The following LRP1B variants were observed in gnomAD, a reference collection of about 807,000 sequenced individuals.
LRP1B encodes the protein LDL receptor related protein 1B.
In LRP1B, 217 loss-of-function variants were observed where a neutral mutation model predicts 556.6. The observed-to-expected ratio is 0.39, with a 90% CI of 0.35 to 0.44. The LOEUF (loss-of-function observed/expected upper bound fraction) is 0.44. Among genes scored for constraint, LRP1B ranks in the 20% least tolerant of loss-of-function variants. The pLI is 1.00. For missense variants in LRP1B, 5,053 were observed against 5,620.8 expected, an observed-to-expected ratio of 0.90 and a Z score of 3.23; for synonymous variants, 2,047 against 1,865.8, an observed-to-expected ratio of 1.10 and a Z score of -2.50.
At chr2:141,006,575 G>C (rs1178978617) in intron 14 of LRP1B, among the ~76,000 whole-genome samples, 2 of 151,930 alleles carry the variant, frequency 1.3e-5, no homozygotes, top group Admixed American at 1.3e-4. Context: ...ACATCATAAA[G>C]CATCCTTACA....
At chr2:141,987,755 C>G (rs1213139788) in intron 1 of LRP1B, among the ~76,000 whole-genome samples, 2 of 151,646 alleles carry the variant, frequency 1.3e-5, no homozygotes, top group Non-Finnish European at 3.0e-5. Flanking sequence ...TTTATTGTTT[C>G]TACATGACAT....
intron 7 of LRP1B, among the ~76,000 whole-genome samples, chr2:141,160,051 C>T (rs1185631632): frequency 6.6e-6 from 1 of 151,928 alleles, no homozygotes; most frequent in East Asian, 1.9e-4. Flanking sequence ...AGCAAACCAC[C>T]ATCAGTATAC....
At chr2:140,306,323 A>G (rs1684065756) in intron 83 of LRP1B, among the ~76,000 whole-genome samples, 1 of 151,968 alleles carries the variant, frequency 6.6e-6, no homozygotes, top group South Asian at 2.1e-4. Flanking sequence ...TATTGCCTCA[A>G]TTTCAGAGCC....
intron 66 of LRP1B, among the ~76,000 whole-genome samples, chr2:140,405,183 A>C (rs1684678121): frequency 6.6e-6 from 1 of 152,170 alleles, no homozygotes; most frequent in African/African-American, 2.4e-5. Context: ...TAGTGACACA[A>C]CTTATCAAAA....
At chr2:141,687,623 T>G (rs1691361023) in intron 2 of LRP1B, among the ~76,000 whole-genome samples, 1 of 151,978 alleles carries the variant, frequency 6.6e-6, no homozygotes, top group Non-Finnish European at 1.5e-5. Context: ...CATTAATGGG[T>G]TAATAGAAAC....
chr2:141,858,848 A>G (rs1412505472), intron 1 of LRP1B, among the ~76,000 whole-genome samples: 1 of 152,202 alleles, frequency 6.6e-6, no homozygotes, highest in Non-Finnish European at 1.5e-5. Flanking sequence ...TTAAGATGAC[A>G]TAACTGTAAG....
intron 77 of LRP1B, among the ~76,000 whole-genome samples, chr2:140,342,573 G>C (rs957905138): frequency 1.3e-5 from 2 of 151,504 alleles, no homozygotes; most frequent in African/African-American, 4.8e-5. Context: ...CATATATAGA[G>C]ATATGCTATA....
intron 79 of LRP1B, among the ~76,000 whole-genome samples, chr2:140,329,593 C>T (rs1399174842): frequency 6.6e-6 from 1 of 151,930 alleles, no homozygotes; most frequent in South Asian, 2.1e-4. Context: ...CATTCCTATA[C>T]ACCAACAATA....
intron 89 of LRP1B, among the ~76,000 whole-genome samples, chr2:140,237,299 C>T (rs1269642042): frequency 5.3e-5 from 8 of 150,880 alleles, no homozygotes; most frequent in Non-Finnish European, 8.9e-5. Flanking sequence ...TCATATATGA[C>T]AATATCATCC....
intron 2 of LRP1B, among the ~76,000 whole-genome samples, chr2:141,792,353 C>G (rs1481794068): frequency 1.3e-5 from 2 of 151,854 alleles, no homozygotes; most frequent in Non-Finnish European, 2.9e-5. Flanking sequence ...ATTTATGAAT[C>G]CATAATTTCA....
intron 1 of LRP1B, among the ~76,000 whole-genome samples, chr2:142,021,499 CTG>C (rs1223069223): frequency 2.0e-5 from 3 of 152,094 alleles, no homozygotes; most frequent in South Asian, 2.1e-4. Context: ...TGCTAATAAA[CTG>C]TGTATTTGTT....
chr2:140,957,160 G>A (rs1302003566), intron 18 of LRP1B, among the ~76,000 whole-genome samples: 1 of 151,658 alleles, frequency 6.6e-6, no homozygotes, highest in Non-Finnish European at 1.5e-5. Flanking sequence ...CACAGCAGAA[G>A]TAGCCAAACT....
chr2:141,083,287 C>T (rs192083354), intron 7 of LRP1B, among the ~76,000 whole-genome samples: 137 of 149,890 alleles, frequency 9.1e-4, no homozygotes, highest in African/African-American at 3.3e-3. Context: ...CTAAAGAAAA[C>T]ATGGAGAAGG....
chr2:140,256,218 A>T (rs1204703188), intron 86 of LRP1B, among the ~76,000 whole-genome samples: 1 of 151,992 alleles, frequency 6.6e-6, no homozygotes, highest in Non-Finnish European at 1.5e-5. Context: ...GCCTGGGTTG[A>T]AATCTAGGCT....
chr2:140,564,840 T>C (rs1402957973), intron 43 of LRP1B, among the ~76,000 whole-genome samples: 1 of 152,104 alleles, frequency 6.6e-6, no homozygotes, highest in Non-Finnish European at 1.5e-5. Flanking sequence ...AAATTAAATC[T>C]AGTCAGGAGC....
chr2:140,434,489 G>A (rs1405615296), intron 66 of LRP1B, among the ~76,000 whole-genome samples: 1 of 152,078 alleles, frequency 6.6e-6, no homozygotes, highest in Non-Finnish European at 1.5e-5. Context: ...TAATTAGAGA[G>A]GTAATATTTC....
chr2:141,502,254 T>C (rs1211944481), intron 2 of LRP1B, among the ~76,000 whole-genome samples: 1 of 152,144 alleles, frequency 6.6e-6, no homozygotes, highest in African/African-American at 2.4e-5. Context: ...CAAGAGAATA[T>C]TTTTAGGATT....
intron 3 of LRP1B, among the ~76,000 whole-genome samples, chr2:141,408,979 C>T (rs1690747680): frequency 1.3e-5 from 2 of 152,136 alleles, no homozygotes; most frequent in South Asian, 4.1e-4. Flanking sequence ...AGTTCTATTA[C>T]ATTTCTCTAC....
intron 1 of LRP1B, among the ~76,000 whole-genome samples, chr2:141,986,752 C>G (rs974999722): frequency 3.3e-5 from 5 of 151,952 alleles, no homozygotes; most frequent in African/African-American, 1.2e-4. Context: ...AACGTGAGTT[C>G]TTTCTGCATC....
Sources: allele counts gnomAD v4.1 joint callset (sites outside exome capture counted in the v4.1 genomes callset), GRCh38; gene constraint gnomAD v4.1.1; transcripts MANE v1.5; gene names NCBI Gene and HGNC (gene_info 2026-07-23, HGNC 2026-07-21).